Variants in SLC66A3 observed in about 807,000 individuals in gnomAD.
The protein encoded by SLC66A3 is solute carrier family 66 member 3.
Under a neutral mutation model 25.5 loss-of-function variants are expected in SLC66A3, and 23 were observed. That is an observed-to-expected ratio of 0.90 (90% CI 0.65 to 1.28). SLC66A3 has a LOEUF of 1.28. SLC66A3 is among the 50% of genes most tolerant of loss of function. The pLI is 0.00. For synonymous variants in SLC66A3, 108 were observed against 112.6 expected, an observed-to-expected ratio of 0.96 and a Z score of 0.26; for missense variants, 246 against 262.1, an observed-to-expected ratio of 0.94 and a Z score of 0.42.
intron 5 of SLC66A3, 39 bp downstream of exon 5, chr2:11,172,084 G>C (rs1207872216): frequency 6.2e-7 from 1 of 1,607,502 alleles, no homozygotes; most frequent in Non-Finnish European, 8.5e-7. Context: ...GCCTTTGGTA[G>C]CACCAAGTGT....
chr2:11,174,773 A>G (rs542951344), intron 5 of SLC66A3, among the ~76,000 whole-genome samples, 195 bp from the exon 6 acceptor site: 1 of 152,332 alleles, frequency 6.6e-6, no homozygotes, highest in South Asian at 2.1e-4. Context: ...TAATTATGAA[A>G]TACAGCACTA....
At chr2:11,165,138 G>A (rs1008105423) in intron 4 of SLC66A3, among the ~76,000 whole-genome samples, 1 of 151,670 alleles carries the variant, frequency 6.6e-6, no homozygotes, top group African/African-American at 2.4e-5. Flanking sequence ...CCTCCCGGAC[G>A]GGGCGGCTGG....
chr2:11,158,523 G>T (rs557843823), intron 1 of SLC66A3, among the ~76,000 whole-genome samples: 1 of 152,364 alleles, frequency 6.6e-6, no homozygotes, highest in South Asian at 2.1e-4. Flanking sequence ...TTAGCTGGGC[G>T]TGGTGGCTGG....
chr2:11,165,887 A>G (rs541752647), intron 4 of SLC66A3, among the ~76,000 whole-genome samples: 151 of 151,800 alleles, frequency 9.9e-4, no homozygotes, highest in African/African-American at 3.5e-3. Context: ...GTGGCGGCGC[A>G]CGCCTGCAAT....
intron 6 of SLC66A3, among the ~76,000 whole-genome samples, chr2:11,176,844 A>AAAAC (rs1178201941): frequency 6.6e-6 from 1 of 152,066 alleles, no homozygotes; most frequent in African/African-American, 2.4e-5. Flanking sequence ...TAACTTTTTA[A>AAAAC]AAACAGTTCA....
chr2:11,155,504 C>G lies in SLC66A3; in HGVS notation c.-43C>G. ...AGCTGCGCCGCCGAGGCTGAGCGGTCCCTTCTCGCTGCGGCCGCCCAGGTG... is the reference window on the plus strand; with the variant it reads ...AGCTGCGCCGCCGAGGCTGAGCGGTGCCTTCTCGCTGCGGCCGCCCAGGTG... On this transcript the variant is annotated 5_prime_UTR_variant, in exon 1 of 7. Transcript: ENST00000295083. 8 of 1,468,376 alleles carry G rather than the reference C, an allele frequency of 5.4e-6. No individual in the cohort carries two copies. Among genetic ancestry groups the G allele is most frequent in the Non-Finnish European group, 7.2e-6 (8 of 1,118,738 alleles). 91.0% of individuals were successfully genotyped at this position (1,468,376 alleles called of 1,614,324 possible).
chr2:11,164,931 A>T (rs1351969057), intron 4 of SLC66A3, among the ~76,000 whole-genome samples: 1 of 152,198 alleles, frequency 6.6e-6, no homozygotes, highest in Non-Finnish European at 1.5e-5. Flanking sequence ...TCCCATGTCT[A>T]CTTCTTTCTA....
In SLC66A3 at chr2:11,178,128, T is replaced by TTAAG. The variant is rs1274656972; in HGVS notation, c.*302_*305dup. The TTAAG allele has an allele frequency of 2.6e-5, 6 of 229,300 alleles. No individual in the cohort carries two copies. The highest frequency in any genetic ancestry group is 2.5e-4 in the South Asian group (2 of 8,060). 14.2% of individuals were successfully genotyped at this position (229,300 alleles called of 1,614,324 possible). A position where few individuals can be genotyped will look rare whatever the true frequency, so the allele number is the denominator to read the frequency against. On this transcript the variant is annotated 3_prime_UTR_variant, in exon 7 of 7. Coordinates refer to ENST00000295083, the MANE Select transcript of SLC66A3 (RefSeq NM_152391.5). ...TTTGAGGCCATTTTGAGCCTTACTC[T>TTAAG]TAAGTTCTCTATGAAGAACTACATT...
intron 3 of SLC66A3, among the ~76,000 whole-genome samples, chr2:11,161,068 C>T (rs1029909115): frequency 1.3e-5 from 2 of 152,160 alleles, no homozygotes; most frequent in Non-Finnish European, 2.9e-5. Context: ...CCTCTCAAGA[C>T]GTTAGCTTAG....
Position 11,155,616 on chromosome 2 carries a change from C to CA in SLC66A3, c.71dup (p.Ile25AspfsTer63), listed in dbSNP as rs1185657853. 6.5e-7 allele frequency: 1 copy of CA among 1,528,288 alleles called. No homozygotes were observed. Among genetic ancestry groups the CA allele is most frequent in the South Asian group, 1.2e-5 (1 of 82,832 alleles). 94.7% of individuals were successfully genotyped at this position (1,528,288 alleles called of 1,614,324 possible). A position where few individuals can be genotyped will look rare whatever the true frequency, so the allele number is the denominator to read the frequency against. ...CGTGTGCGCCGCGCTGAAGCTGCCGCAGATCTCCGCTGTGCTAGCGGCGCG... is the reference window on the plus strand; with the variant it reads ...CGTGTGCGCCGCGCTGAAGCTGCCGCAAGATCTCCGCTGTGCTAGCGGCGCG... On this transcript the variant is annotated frameshift_variant, in exon 1 of 7. Coordinates refer to ENST00000295083, the MANE Select transcript of SLC66A3 (RefSeq NM_152391.5). LOFTEE classifies it high-confidence loss of function.
intron 1 of SLC66A3, among the ~76,000 whole-genome samples, chr2:11,158,006 C>T (rs957791845): frequency 4.6e-5 from 7 of 152,188 alleles, no homozygotes; most frequent in Admixed American, 4.6e-4. Flanking sequence ...GAGCCTTGGC[C>T]TCTGGGTAGG....
At chr2:11,171,259 A>G (rs1662543603) in intron 4 of SLC66A3, among the ~76,000 whole-genome samples, 1 of 152,102 alleles carries the variant, frequency 6.6e-6, no homozygotes, top group Admixed American at 6.5e-5. Context: ...TGGAGGTTGC[A>G]GTGAGCCAAG....
intron 4 of SLC66A3, among the ~76,000 whole-genome samples, chr2:11,169,609 C>T (rs1383500090): frequency 6.6e-6 from 1 of 152,058 alleles, no homozygotes; most frequent in East Asian, 1.9e-4. Context: ...TCCTCAGCTC[C>T]CTGACTTCCG....
At position 11,155,649 on chromosome 2, in the gene SLC66A3, CGG is replaced by C; in HGVS notation, c.106_107del (p.Gly36ProfsTer51). On this transcript the variant is annotated frameshift_variant, in exon 1 of 7. Transcript: ENST00000295083. LOFTEE classifies it high-confidence loss of function. Reference protein sequence around the residue: ...ISAVLAARSARGLSLPSLLLE... With the variant: ...ISAVLAARSAXGLSLPSLLLE... The stretch of plus-strand genomic sequence containing the variant: ...CGCTGTGCTAGCGGCGCGCAGCGCG[CGG>C]GGCCTCAGCCTTCCGAGTTTACTTC... The C allele has an allele frequency of 1.3e-6, 2 of 1,497,872 alleles. No homozygotes were observed. The highest frequency in any genetic ancestry group is 8.8e-7 in the Non-Finnish European group (1 of 1,133,008). 92.8% of individuals were successfully genotyped at this position (1,497,872 alleles called of 1,614,324 possible).
At chr2:11,162,130 C>T (rs1288140107) in intron 3 of SLC66A3, among the ~76,000 whole-genome samples, 1 of 152,204 alleles carries the variant, frequency 6.6e-6, no homozygotes, top group East Asian at 1.9e-4. Flanking sequence ...GTACCAGAAA[C>T]ACAGTCAAGC....
At chr2:11,174,876 A>T (rs551492885) in intron 5 of SLC66A3, 92 bp from the exon 6 acceptor site, 1 of 755,120 alleles carries the variant, frequency 1.3e-6, no homozygotes, top group Admixed American at 2.3e-5. Context: ...TGGTTAATAT[A>T]TATTGGGATA....
At chr2:11,156,978 T>G (rs991709124) in intron 1 of SLC66A3, among the ~76,000 whole-genome samples, 1 of 151,526 alleles carries the variant, frequency 6.6e-6, no homozygotes, top group Non-Finnish European at 1.5e-5. Context: ...AAGCCAGGAG[T>G]GGGATTTGGC....
intron 6 of SLC66A3, among the ~76,000 whole-genome samples, chr2:11,176,586 T>C (rs1437146178): frequency 2.7e-5 from 3 of 109,450 alleles, no homozygotes; most frequent in Non-Finnish European, 3.7e-5. Context: ...TGGAGTGCAG[T>C]GGCGGGATCT....
At chr2:11,171,275 G>A (rs111463210) in intron 4 of SLC66A3, among the ~76,000 whole-genome samples, 5,273 of 152,088 alleles carry the variant, frequency 0.035, 312 homozygotes, top group African/African-American at 0.12. Flanking sequence ...CCAAGATTGT[G>A]CCACTGCACT....
Sources: allele counts gnomAD v4.1 joint callset (sites outside exome capture counted in the v4.1 genomes callset), GRCh38; gene constraint gnomAD v4.1.1; transcripts MANE v1.5; gene names NCBI Gene and HGNC (gene_info 2026-07-23, HGNC 2026-07-21).